Variants in NTRK1 observed in about 807,000 individuals in gnomAD.
NTRK1 encodes high affinity nerve growth factor receptor.
A neutral mutation model predicts 86.8 loss-of-function variants in NTRK1; 62 were observed. The ratio of observed to expected loss-of-function variants is 0.71; its 90% CI spans 0.58 to 0.88. The LOEUF (loss-of-function observed/expected upper bound fraction) is 0.88. Among genes scored for constraint, NTRK1 ranks in the 40% least tolerant of loss-of-function variants. NTRK1 has a pLI of 0.00. For missense variants in NTRK1, 967 were observed against 1,078.4 expected (o/e 0.90, Z 1.45); for synonymous variants, 469 against 456.6 (o/e 1.03, Z -0.35).
At chr1:156,839,443 C>G (rs747995518) in intron 1 of NTRK1, among the ~76,000 whole-genome samples, 9 of 152,242 alleles carry the variant, frequency 5.9e-5, no homozygotes, top group Admixed American at 3.3e-4. Flanking sequence ...CTTTTGCAAC[C>G]CTTCCCTTTC....
At chr1:156,844,313 A>G in intron 2 of NTRK1, 1 of 1,587,366 alleles carries the variant, frequency 6.3e-7, no homozygotes. Flanking sequence ...GGGTAGAGTC[A>G]AAGATGTAGA....
chr1:156,837,306 G>A (rs767016740), intron 1 of NTRK1: 1 of 152,514 alleles, frequency 6.6e-6, no homozygotes, highest in Non-Finnish European at 1.5e-5. Flanking sequence ...GGCTCACCAA[G>A]TATCATCTGC....
At position 156,844,838 on chromosome 1, in the gene NTRK1, C is replaced by T. The variant is rs1571659851; in HGVS notation, c.50+2645C>T. 1 of 1,613,976 alleles carries T rather than the reference C, an allele frequency of 6.2e-7. No homozygotes were observed. ...GCCACCTTTCCTGGAATACCATCAG[C>T]CTCTCCTGCGGGAAGGGGCATCCAG... On this transcript the variant is annotated intron_variant, in intron 2 of 16. Coordinates refer to the NTRK1 transcript ENST00000392302.
In NTRK1 at chr1:156,864,356, A is replaced by G. The variant is rs758965412; in HGVS notation, c.215A>G (p.Tyr72Cys). The change falls in exon 2 of 17, where the codon TAC becomes TGC. Residue 72 changes from tyrosine to cysteine, a missense_variant and splice_region_variant. Coordinates refer to ENST00000524377, the MANE Select transcript of NTRK1 (RefSeq NM_002529.4). ...ACTCCCATCCGCTCTCCCCACAGCTACATCGAGAACCAGCAGCATCTGCAG... is the reference window on the plus strand; with the variant it reads ...ACTCCCATCCGCTCTCCCCACAGCTGCATCGAGAACCAGCAGCATCTGCAG... ...LPGAENLTEL[Y>C]IENQQHLQHL... 6.2e-7 allele frequency: 1 copy of G among 1,614,158 alleles called. No individual in the cohort carries two copies. Among genetic ancestry groups the G allele is most frequent in the Non-Finnish European group, 8.5e-7 (1 of 1,180,002 alleles).
In NTRK1 at chr1:156,881,512, C is replaced by T. The variant is rs2102930854; in HGVS notation, c.2261C>T (p.Pro754Leu). Residue 754 changes from proline (P) to leucine (L), a missense_variant, in exon 17 of 17, where the codon CCA becomes CTA. Pro to Leu is a moderately conservative substitution (Grantham distance 98). Coordinates refer to ENST00000524377, the MANE Select transcript of NTRK1 (RefSeq NM_002529.4). ...TTGGAGCGGCCACGTGCCTGCCCAC[C>T]AGAGGTCTACGCCATCATGCGGGGC... is the stretch of plus-strand genomic sequence containing the variant. ...RELERPRACP[P>L]EVYAIMRGCW... 6.3e-7 allele frequency: 1 copy of T among 1,598,306 alleles called. No individual in the cohort carries two copies. Among genetic ancestry groups the T allele is most frequent in the Non-Finnish European group, 8.5e-7 (1 of 1,172,766 alleles).
intron 1 of NTRK1, among the ~76,000 whole-genome samples, chr1:156,817,354 G>A (rs764028014): frequency 3.3e-5 from 5 of 151,960 alleles, no homozygotes; most frequent in Non-Finnish European, 5.9e-5. Flanking sequence ...AGGCTCAGGC[G>A]AGAGAATCGC....
intron 1 of NTRK1, among the ~76,000 whole-genome samples, chr1:156,838,058 A>G (rs959009401): frequency 9.9e-5 from 15 of 152,122 alleles, no homozygotes; most frequent in African/African-American, 3.6e-4. Context: ...CTGTGAGCCT[A>G]GAGGAAGAGG....
At chr1:156,833,394 T>C (rs1446320934) in intron 1 of NTRK1, among the ~76,000 whole-genome samples, 2 of 152,086 alleles carry the variant, frequency 1.3e-5, no homozygotes, top group Non-Finnish European at 2.9e-5. Context: ...CCATCTCTAC[T>C]AAAAATACCA....
intron 2 of NTRK1, chr1:156,844,351 T>A: frequency 1.9e-6 from 3 of 1,550,956 alleles, no homozygotes; most frequent in Non-Finnish European, 2.7e-6. Flanking sequence ...TGCTTCTCTT[T>A]CCATGCTGGG....
intron 1 of NTRK1, among the ~76,000 whole-genome samples, chr1:156,827,955 A>G (rs1402805133): frequency 1.3e-5 from 2 of 152,038 alleles, no homozygotes; most frequent in African/African-American, 4.8e-5. Context: ...ATTTCACAAA[A>G]TGTTATATAG....
chr1:156,848,915 AC>A lies in NTRK1; in HGVS notation c.50+6723del, dbSNP rs1655104663. 6 of 1,556,856 alleles carry A rather than the reference AC, an allele frequency of 3.9e-6. No individual in the cohort carries two copies. In the East Asian group the frequency reaches 1.4e-4, roughly 37 times the overall value. ...CCCCCGCTCCGGCCCCGCCCCCGGCACTCACGACTCCTTGTAGTACACGATG... is the reference window on the plus strand; with the variant it reads ...CCCCCGCTCCGGCCCCGCCCCCGGCATCACGACTCCTTGTAGTACACGATG... On this transcript the variant is annotated intron_variant, in intron 2 of 16. Transcript: ENST00000392302.
chr1:156,844,980 A>G (rs1262735997), intron 2 of NTRK1: 2 of 1,535,726 alleles, frequency 1.3e-6, no homozygotes, highest in Admixed American at 3.8e-5. Context: ...AAGCAAAGCG[A>G]GGCTCTGGGG....
At chr1:156,869,568 A>T (rs1246093454) in intron 6 of NTRK1, among the ~76,000 whole-genome samples, 5 of 152,124 alleles carry the variant, frequency 3.3e-5, no homozygotes. Context: ...CTCACTAATT[A>T]ATTCTGGGAA....
chr1:156,851,377 A>G, intron 2 of NTRK1: 1 of 1,614,080 alleles, frequency 6.2e-7, no homozygotes, highest in Non-Finnish European at 8.5e-7. Context: ...GATTTTGAGG[A>G]AGCCAGTAAT....
At chr1:156,844,156 C>G in intron 2 of NTRK1, 1 of 1,574,504 alleles carries the variant, frequency 6.4e-7, no homozygotes, top group East Asian at 2.2e-5. Context: ...GGGTGGGGAC[C>G]GGTGGGACTT....
intron 2 of NTRK1, chr1:156,851,622 T>C (rs922872201): frequency 1.2e-6 from 2 of 1,613,702 alleles, no homozygotes; most frequent in Non-Finnish European, 1.7e-6. Flanking sequence ...GGAGGAGGGG[T>C]GTGGCCCCAA....
At chr1:156,863,257 G>A (rs576177645) in intron 1 of NTRK1, among the ~76,000 whole-genome samples, 1 of 152,154 alleles carries the variant, frequency 6.6e-6, no homozygotes, top group Admixed American at 6.5e-5. Flanking sequence ...GTCCTTATCT[G>A]TCTGTCTCCC....
At chr1:156,878,569 A>T (rs1018871107) in intron 14 of NTRK1, among the ~76,000 whole-genome samples, 1 of 152,242 alleles carries the variant, frequency 6.6e-6, no homozygotes, top group Non-Finnish European at 1.5e-5. Flanking sequence ...GAGAAGGAAC[A>T]TTGGGGAATA....
Position 156,864,809 on chromosome 1 carries a change from G to A in NTRK1, c.359+10G>A, listed in dbSNP as rs1655848895. On this transcript the variant is annotated intron_variant, in intron 3 of 16. Coordinates refer to ENST00000524377, the MANE Select transcript of NTRK1 (RefSeq NM_002529.4). ...CTCGGCTCAGTCGCCTGTGAGTGTGGCCAGTGCTGGGCAGTGGGAGTTGGG... is the reference window on the plus strand; with the variant it reads ...CTCGGCTCAGTCGCCTGTGAGTGTGACCAGTGCTGGGCAGTGGGAGTTGGG... The A allele has an allele frequency of 6.2e-7, 1 of 1,611,656 alleles. No individual in the cohort carries two copies. The highest frequency in any genetic ancestry group is 8.5e-7 in the Non-Finnish European group (1 of 1,179,244).
Sources: gnomAD v4.1 joint callset for allele counts (sites outside exome capture counted in the v4.1 genomes callset) on GRCh38, gnomAD v4.1.1 for gene constraint, MANE v1.5 for transcripts, NCBI Gene and HGNC (gene_info 2026-07-23, HGNC 2026-07-21) for gene names.